ENTREP2: variants seen among roughly 807,000 people sequenced by gnomAD.
The protein encoded by ENTREP2 is endosomal transmembrane epsin interactor 2, also known as protein ENTREP2.
the ENTREP2 span, among the ~76,000 whole-genome samples, chr15:29,544,552 C>T: frequency 7.8e-5 from 10 of 128,288 alleles, no homozygotes; most frequent in South Asian, 1.5e-3. Context: ...ATAAAAAATT[C>T]GGTAGTTATT....
At chr15:29,269,615 G>T in the ENTREP2 span, 2 of 1,564,300 alleles carry the variant, frequency 1.3e-6, no homozygotes, top group African/African-American at 1.4e-5. Flanking sequence ...TCCCCGGCCC[G>T]CGAAGCCCCG....
chr15:29,385,241 T>C, the ENTREP2 span, among the ~76,000 whole-genome samples: 1 of 152,206 alleles, frequency 6.6e-6, no homozygotes, highest in Non-Finnish European at 1.5e-5. Context: ...TCGTAGCCAC[T>C]ACTCCACCTA....
chr15:29,225,714 G>A, the ENTREP2 span, among the ~76,000 whole-genome samples: 1 of 152,184 alleles, frequency 6.6e-6, no homozygotes, highest in Admixed American at 6.5e-5. Context: ...CACGGAACCG[G>A]GGGACACATG....
chr15:29,478,720 C>T, the ENTREP2 span, among the ~76,000 whole-genome samples: 1 of 150,802 alleles, frequency 6.6e-6, no homozygotes, highest in Non-Finnish European at 1.5e-5. Context: ...GCCTGGCAAA[C>T]ATGGCAAAAC....
the ENTREP2 span, among the ~76,000 whole-genome samples, chr15:29,575,792 A>C: frequency 1.2e-4 from 19 of 152,234 alleles, no homozygotes; most frequent in Non-Finnish European, 2.6e-4. Flanking sequence ...GAATAAATTT[A>C]ACCAAGGAAG....
the ENTREP2 span, chr15:29,126,573 A>G: frequency 8.6e-7 from 1 of 1,163,902 alleles, no homozygotes; most frequent in Non-Finnish European, 1.2e-6. Context: ...CAAACTCCAG[A>G]CCTAGATGAA....
At chr15:29,123,891 C>T in the ENTREP2 span, among the ~76,000 whole-genome samples, 1 of 152,122 alleles carries the variant, frequency 6.6e-6, no homozygotes, top group Non-Finnish European at 1.5e-5. Flanking sequence ...GGGGAAGGGC[C>T]ACCACAGCAG....
the ENTREP2 span, chr15:29,234,246 T>C: frequency 6.2e-7 from 1 of 1,612,484 alleles, no homozygotes; most frequent in Non-Finnish European, 8.5e-7. Context: ...TCTTCTCTTC[T>C]CTCTTCCGCA....
the ENTREP2 span, among the ~76,000 whole-genome samples, chr15:29,247,335 A>C: frequency 3.3e-5 from 5 of 152,202 alleles, no homozygotes; most frequent in African/African-American, 1.2e-4. Context: ...TTCAAATCTC[A>C]AATCCATTCT....
At chr15:29,445,029 A>G in the ENTREP2 span, among the ~76,000 whole-genome samples, 1 of 152,174 alleles carries the variant, frequency 6.6e-6, no homozygotes, top group Non-Finnish European at 1.5e-5. Flanking sequence ...AGAATAGCAG[A>G]TGTGTTGGGG....
At chr15:29,432,723 C>T in the ENTREP2 span, among the ~76,000 whole-genome samples, 123 of 152,286 alleles carry the variant, frequency 8.1e-4, no homozygotes, top group African/African-American at 2.9e-3. Flanking sequence ...GCCTGGCAGA[C>T]ACCTCTGTCC....
At chr15:29,359,244 G>A in the ENTREP2 span, among the ~76,000 whole-genome samples, 2 of 152,130 alleles carry the variant, frequency 1.3e-5, no homozygotes, top group African/African-American at 4.8e-5. Flanking sequence ...TGTTTTCTAA[G>A]CTGTTTCCCT....
the ENTREP2 span, among the ~76,000 whole-genome samples, chr15:29,255,841 A>C: frequency 2.0e-5 from 3 of 152,168 alleles, no homozygotes; most frequent in East Asian, 5.8e-4. Context: ...CTCTACTAAA[A>C]ATACAAAAAG....
the ENTREP2 span, chr15:29,252,346 G>A: frequency 1.4e-6 from 2 of 1,394,828 alleles, no homozygotes; most frequent in Non-Finnish European, 2.0e-6. Context: ...CTTTATGAAA[G>A]GGTTTGCATT....
At chr15:29,606,767 A>G in the ENTREP2 span, among the ~76,000 whole-genome samples, 1 of 151,908 alleles carries the variant, frequency 6.6e-6, no homozygotes, top group Non-Finnish European at 1.5e-5. Context: ...TTTCAGTAGG[A>G]TATATCTTGA....
the ENTREP2 span, among the ~76,000 whole-genome samples, chr15:29,218,569 T>C: frequency 6.6e-6 from 1 of 152,138 alleles, no homozygotes; most frequent in Admixed American, 6.5e-5. Context: ...CAAACTATAC[T>C]ATAAAGCCAC....
chr15:29,496,889 G>A, the ENTREP2 span, among the ~76,000 whole-genome samples: 25 of 152,236 alleles, frequency 1.6e-4, no homozygotes, highest in African/African-American at 6.0e-4. Flanking sequence ...GCCTGGCTTT[G>A]CTATCAGGGT....
chr15:29,168,387 T>C, the ENTREP2 span, among the ~76,000 whole-genome samples: 3 of 152,118 alleles, frequency 2.0e-5, no homozygotes, highest in Admixed American at 6.6e-5. Context: ...AAGAAAGTAA[T>C]GCAGAGAAAG....
the ENTREP2 span, among the ~76,000 whole-genome samples, chr15:29,543,735 C>T: frequency 3.2e-3 from 481 of 151,458 alleles, 1 homozygote; most frequent in Middle Eastern, 0.01. Context: ...GCCAAGATTG[C>T]GCCACTGCAC....
Sources: gnomAD v4.1 joint callset for allele counts (sites outside exome capture counted in the v4.1 genomes callset) on GRCh38, gnomAD v4.1.1 for gene constraint, MANE v1.5 for transcripts, NCBI Gene and HGNC (gene_info 2026-07-23, HGNC 2026-07-21) for gene names.